Variants in MSL2 observed in about 807,000 individuals in gnomAD.
MSL2 encodes E3 ubiquitin-protein ligase MSL2.
A neutral mutation model predicts 35.8 loss-of-function variants in MSL2; 2 were observed. The ratio of observed to expected loss-of-function variants is 0.06; its 90% confidence interval spans 0.02 to 0.18. The LOEUF (loss-of-function observed/expected upper bound fraction) is 0.18. MSL2 is among the 10% of genes least tolerant of loss of function. MSL2 has a pLI of 1.00. For missense variants in MSL2, 523 were observed against 706.7 expected, an observed-to-expected ratio of 0.74 and a Z score of 2.95; for synonymous variants, 296 against 255.7, an observed-to-expected ratio of 1.16 and a Z score of -1.50.
chr3:136,178,296 A>G (rs1350113768), intron 1 of MSL2, among the ~76,000 whole-genome samples: 1 of 152,190 alleles, frequency 6.6e-6, no homozygotes, highest in East Asian at 1.9e-4. Context: ...ATTATTACCT[A>G]TAAGATAATG....
chr3:136,194,548 C>A, intron 1 of MSL2: 2 of 656,842 alleles, frequency 3.0e-6, no homozygotes, highest in Non-Finnish European at 3.8e-6. Flanking sequence ...CCACGTAACA[C>A]CAGTTTGGGG....
rs1001385253 is a variant in MSL2, at chr3:136,149,305, T to C, written c.*1842A>G. 1 of 152,542 alleles carries C rather than the reference T, an allele frequency of 6.6e-6. No homozygotes were observed. Among genetic ancestry groups the C allele is most frequent in the Admixed American group, 6.6e-5 (1 of 15,262 alleles). The allele number at this position is 152,542 out of a possible 1,614,324, so 9.4% of individuals were successfully genotyped here. A position where few individuals can be genotyped will look rare whatever the true frequency, so the allele number is the denominator to read the frequency against. ...TGAATAAAGAACAGATTTACAACTTTATATAGCAGGGCATCTGGGTTCAAC... is the reference window on the plus strand; with the variant it reads ...TGAATAAAGAACAGATTTACAACTTCATATAGCAGGGCATCTGGGTTCAAC... On this transcript the variant is annotated 3_prime_UTR_variant, in exon 2 of 2. Coordinates refer to ENST00000309993, the MANE Select transcript of MSL2 (RefSeq NM_018133.4).
At chr3:136,164,661 G>A (rs540306028) in intron 1 of MSL2, among the ~76,000 whole-genome samples, 2 of 151,860 alleles carry the variant, frequency 1.3e-5, no homozygotes, top group South Asian at 2.1e-4. Context: ...AGAAATACCA[G>A]ACAACATACT....
intron 1 of MSL2, among the ~76,000 whole-genome samples, chr3:136,191,582 C>A (rs1397755991): frequency 6.6e-6 from 1 of 152,110 alleles, no homozygotes; most frequent in Non-Finnish European, 1.5e-5. Context: ...GAGTTCAAGA[C>A]CTGCCTGGGC....
intron 1 of MSL2, among the ~76,000 whole-genome samples, chr3:136,157,654 G>A (rs542154093): frequency 6.6e-6 from 1 of 152,194 alleles, no homozygotes; most frequent in Admixed American, 6.5e-5. Context: ...AATTAGAAAT[G>A]AAAGGAGTCA....
intron 1 of MSL2, among the ~76,000 whole-genome samples, chr3:136,189,874 G>A (rs187806215): frequency 6.6e-6 from 1 of 152,094 alleles, no homozygotes; most frequent in Admixed American, 6.6e-5. Context: ...GCGCTTTCAT[G>A]GTTAATTTCT....
At chr3:136,192,772 C>T (rs1468175651) in intron 1 of MSL2, among the ~76,000 whole-genome samples, 1 of 152,128 alleles carries the variant, frequency 6.6e-6, no homozygotes, top group East Asian at 1.9e-4. Flanking sequence ...TTCATTTTTA[C>T]AAATGCATTA....
At chr3:136,194,857 C>CACAAATA in intron 1 of MSL2, 115 bp downstream of exon 1, 1 of 1,488,312 alleles carries the variant, frequency 6.7e-7, no homozygotes, top group Non-Finnish European at 9.2e-7. Context: ...TACAGCGCTG[C>CACAAATA]ACAAATAACA....
intron 1 of MSL2, among the ~76,000 whole-genome samples, chr3:136,188,165 T>C (rs1940576106): frequency 6.6e-6 from 1 of 152,188 alleles, no homozygotes; most frequent in African/African-American, 2.4e-5. Flanking sequence ...CCAGGCGCAG[T>C]GGCTCACACC....
chr3:136,189,944 G>T (rs10935179), intron 1 of MSL2, among the ~76,000 whole-genome samples: 2,321 of 152,024 alleles, frequency 0.015, 29 homozygotes, highest in Non-Finnish European at 0.023. Flanking sequence ...AACCAGGCGC[G>T]GGGGTGCACT....
At chr3:136,184,065 G>A (rs1940441115) in intron 1 of MSL2, among the ~76,000 whole-genome samples, 1 of 152,158 alleles carries the variant, frequency 6.6e-6, no homozygotes, top group South Asian at 2.1e-4. Context: ...GGAGGCAAAG[G>A]CGGGCGGATC....
chr3:136,151,979 C>T lies in MSL2; in HGVS notation c.902G>A (p.Gly301Glu), dbSNP rs1939387020. Residue 301 changes from glycine to glutamate, a missense_variant, in exon 2 of 2, where the codon GGA becomes GAA. Coordinates refer to ENST00000309993, the MANE Select transcript of MSL2 (RefSeq NM_018133.4). This position sits in a 1 kb window ranked among gnomAD's most constrained non-coding sequence, Gnocchi z 5.2. Reference sequence around the variant, plus strand: ...CTGGGAAGAAAGCTGCAGAAAAGGTCCATTGGATACAGTGGCTTCCAAGTT... The same window carrying T: ...CTGGGAAGAAAGCTGCAGAAAAGGTTCATTGGATACAGTGGCTTCCAAGTT... ...QPNLEATVSN[G>E]PFLQLSSQSL... The T allele has an allele frequency of 1.9e-6, 3 of 1,614,180 alleles. No individual in the cohort carries two copies. Among genetic ancestry groups the T allele is most frequent in the Non-Finnish European group, 2.5e-6 (3 of 1,180,022 alleles).
intron 1 of MSL2, among the ~76,000 whole-genome samples, chr3:136,174,936 T>C (rs1438948047): frequency 1.3e-5 from 2 of 152,226 alleles, no homozygotes; most frequent in East Asian, 1.9e-4. Flanking sequence ...TAGACTAAGC[T>C]GGTTTTCATT....
chr3:136,189,098 C>A (rs1276079449), intron 1 of MSL2, among the ~76,000 whole-genome samples: 2 of 123,310 alleles, frequency 1.6e-5, no homozygotes, highest in African/African-American at 6.9e-5. Flanking sequence ...ATGGTGAAAC[C>A]CTGTCTCTAC....
At chr3:136,154,559 GA>G (rs1358888111) in intron 1 of MSL2, among the ~76,000 whole-genome samples, 7 of 147,024 alleles carry the variant, frequency 4.8e-5, no homozygotes, top group Non-Finnish European at 1.0e-4. Flanking sequence ...ACAGAAATTA[GA>G]AATCAGTGGG....
At chr3:136,184,275 GAC>G (rs1410263146) in intron 1 of MSL2, among the ~76,000 whole-genome samples, 1 of 151,700 alleles carries the variant, frequency 6.6e-6, no homozygotes, top group East Asian at 1.9e-4. Context: ...TAACCTGAAC[GAC>G]AGAGTGAGAC....
At chr3:136,193,604 A>G (rs1483968200) in intron 1 of MSL2, among the ~76,000 whole-genome samples, 1 of 152,120 alleles carries the variant, frequency 6.6e-6, no homozygotes, top group African/African-American at 2.4e-5. Context: ...AGCACTCCAT[A>G]AAAGTGGGAG....
intron 1 of MSL2, among the ~76,000 whole-genome samples, chr3:136,180,821 G>GGAAGGAAGGAAGGAAGGAAA (rs1940335324): frequency 1.4e-5 from 2 of 138,914 alleles, no homozygotes; most frequent in South Asian, 5.0e-4. Context: ...AAGGAGGGAA[G>GGAAGGAAGGAAGGAAGGAAA]GAAGGAAGGA....
chr3:136,169,370 A>C (rs1939953400), intron 1 of MSL2, among the ~76,000 whole-genome samples: 1 of 151,912 alleles, frequency 6.6e-6, no homozygotes, highest in African/African-American at 2.4e-5. Flanking sequence ...TGGAATATCC[A>C]TCACCTCAAA....
Sources: gnomAD v4.1 joint callset for allele counts (sites outside exome capture counted in the v4.1 genomes callset) on GRCh38, gnomAD v4.1.1 for gene constraint, Gnocchi (gnomAD v3.1) non-coding constraint, MANE v1.5 for transcripts, NCBI Gene and HGNC (gene_info 2026-07-23, HGNC 2026-07-21) for gene names.